ASTN1: variants seen among roughly 807,000 people sequenced by gnomAD.
ASTN1 encodes astrotactin 1.
In ASTN1, 41 loss-of-function variants were observed where a neutral mutation model predicts 140.7. The observed-to-expected ratio is 0.29, with a 90% CI of 0.23 to 0.38. ASTN1 has a LOEUF of 0.38. ASTN1 is among the 10% of genes least tolerant of loss of function. The pLI is 1.00. For missense variants in ASTN1, 1,479 were observed against 1,678.8 expected (o/e 0.88, Z 2.08); for synonymous variants, 640 against 652.2 (o/e 0.98, Z 0.29).
intron 9 of ASTN1, 135 bp downstream of exon 9, chr1:176,965,028 C>T: frequency 1.2e-6 from 1 of 803,968 alleles, no homozygotes. Context: ...GGGGCAAACA[C>T]TTTTGTTAGC....
chr1:177,152,571 A>T (rs1342836213), intron 1 of ASTN1, among the ~76,000 whole-genome samples: 4 of 152,076 alleles, frequency 2.6e-5, no homozygotes, highest in Non-Finnish European at 4.4e-5. Context: ...GGCAGTCAAG[A>T]TTTGAACAAA....
chr1:177,023,067 T>A (rs1675906491), intron 7 of ASTN1, among the ~76,000 whole-genome samples: 1 of 152,236 alleles, frequency 6.6e-6, no homozygotes, highest in Non-Finnish European at 1.5e-5. Flanking sequence ...AAAAGTTTTC[T>A]ACAATAAACA....
chr1:177,022,439 G>A (rs1558037192), intron 7 of ASTN1, among the ~76,000 whole-genome samples: 1 of 152,212 alleles, frequency 6.6e-6, no homozygotes, highest in Non-Finnish European at 1.5e-5. Flanking sequence ...CCATCATAGA[G>A]ACTACTGTAG....
intron 1 of ASTN1, among the ~76,000 whole-genome samples, chr1:177,084,813 T>A (rs940768874): frequency 2.0e-5 from 3 of 151,504 alleles, no homozygotes; most frequent in Non-Finnish European, 4.4e-5. Flanking sequence ...ACTGCCTTCT[T>A]TTTTTTTTCA....
intron 1 of ASTN1, among the ~76,000 whole-genome samples, chr1:177,062,905 T>C (rs1288534898): frequency 6.6e-6 from 1 of 152,160 alleles, no homozygotes; most frequent in African/African-American, 2.4e-5. Context: ...TGAGTGAATG[T>C]GACAAGTGTG....
rs764045289 is a variant in ASTN1, at chr1:176,882,870, G to A, written c.3351C>T (p.Asp1117=). The A allele has an allele frequency of 4.3e-6, 7 of 1,614,180 alleles. No individual in the cohort carries two copies. Among genetic ancestry groups the A allele is most frequent in the Non-Finnish European group, 5.9e-6 (7 of 1,180,040 alleles). ...ISLIIRCLEP[D]TIYMFTLWGV... is the part of the protein sequence containing the mutation. ...TGTGTGTTACTCACATGTAAATGGT[G>A]TCAGGTTCCAGGCATCGTATGATCA... The change falls in exon 20 of 23, where the codon GAC becomes GAT. Residue 1117 remains aspartate (D), a synonymous_variant. Transcript: ENST00000361833.
At chr1:177,098,364 G>A (rs1335066326) in intron 1 of ASTN1, among the ~76,000 whole-genome samples, 2 of 151,988 alleles carry the variant, frequency 1.3e-5, no homozygotes, top group East Asian at 1.9e-4. Context: ...TCATAGCAGC[G>A]GGAGTACCTA....
chr1:177,095,126 G>A (rs551380453), intron 1 of ASTN1, among the ~76,000 whole-genome samples: 4 of 152,276 alleles, frequency 2.6e-5, no homozygotes, highest in African/African-American at 4.8e-5. Flanking sequence ...AAGTATTGAA[G>A]GTGTGGCTTA....
intron 9 of ASTN1, 47 bp downstream of exon 9, chr1:176,965,116 A>G (rs1325669395): frequency 1.9e-6 from 3 of 1,565,764 alleles, no homozygotes; most frequent in Non-Finnish European, 2.6e-6. Flanking sequence ...GAAGCGGAAC[A>G]CAGGGTTTGC....
At chr1:177,129,579 A>C (rs910332429) in intron 1 of ASTN1, among the ~76,000 whole-genome samples, 1 of 152,172 alleles carries the variant, frequency 6.6e-6, no homozygotes, top group Non-Finnish European at 1.5e-5. Context: ...ATAACCACTT[A>C]AAAAAAGAGA....
intron 2 of ASTN1, among the ~76,000 whole-genome samples, chr1:177,058,586 G>GA (rs1304743397): frequency 6.6e-6 from 1 of 151,950 alleles, no homozygotes; most frequent in Non-Finnish European, 1.5e-5. Context: ...GATCTAATTT[G>GA]AAAAAACACT....
chr1:176,946,891 C>T (rs1280061065), intron 12 of ASTN1, among the ~76,000 whole-genome samples: 1 of 152,186 alleles, frequency 6.6e-6, no homozygotes, highest in African/African-American at 2.4e-5. Flanking sequence ...GAAGAATTTA[C>T]ATTTTTTAGC....
In ASTN1 at chr1:176,936,244, G is replaced by A. The variant is rs972433951; in HGVS notation, c.2482+22C>T. The A allele has an allele frequency of 2.5e-6, 4 of 1,600,750 alleles. No individual in the cohort carries two copies. In the African/African-American group the frequency reaches 5.4e-5, roughly 21 times the overall value. ...TCTAAGTTCCAGGGAAGGTGGGCAGGATAGCCTGCAGCAGTGCTCACCCTG... is the reference window on the plus strand; with the variant it reads ...TCTAAGTTCCAGGGAAGGTGGGCAGAATAGCCTGCAGCAGTGCTCACCCTG... On this transcript the variant is annotated intron_variant, in intron 15 of 22. Transcript: ENST00000361833.
chr1:176,876,769 C>T, intron 20 of ASTN1, 132 bp from the exon 21 acceptor site: 1 of 810,232 alleles, frequency 1.2e-6, no homozygotes, highest in Non-Finnish European at 1.9e-6. Flanking sequence ...CATCCTGGGT[C>T]ACGTTTACTG....
At chr1:176,867,651 T>C (rs1328910918) in intron 22 of ASTN1, among the ~76,000 whole-genome samples, 1 of 152,218 alleles carries the variant, frequency 6.6e-6, no homozygotes, top group East Asian at 1.9e-4. Flanking sequence ...TGCCAGATCT[T>C]ACACATAAAA....
intron 8 of ASTN1, among the ~76,000 whole-genome samples, chr1:176,991,950 T>A (rs939504501): frequency 6.6e-6 from 1 of 152,184 alleles, no homozygotes; most frequent in Admixed American, 6.5e-5. Context: ...TAGGCCAAAA[T>A]AAGTATCTAC....
chr1:177,048,234 G>A (rs892061320), intron 2 of ASTN1, among the ~76,000 whole-genome samples: 19 of 152,164 alleles, frequency 1.2e-4, no homozygotes, highest in Non-Finnish European at 1.6e-4. Context: ...TACCTCGGAC[G>A]AGCCTCTCCC....
chr1:176,929,730 C>T (rs892518472), intron 16 of ASTN1, among the ~76,000 whole-genome samples: 6 of 152,136 alleles, frequency 3.9e-5, no homozygotes, highest in African/African-American at 7.2e-5. Flanking sequence ...GATAACAGAC[C>T]GGGCACGGTG....
At chr1:177,087,587 G>C (rs146756796) in intron 1 of ASTN1, among the ~76,000 whole-genome samples, 2 of 152,254 alleles carry the variant, frequency 1.3e-5, no homozygotes, top group East Asian at 3.9e-4. Flanking sequence ...AGGCTGCCTA[G>C]GTTTACAAGA....
Sources: gnomAD v4.1 joint callset for allele counts (sites outside exome capture counted in the v4.1 genomes callset) on GRCh38, gnomAD v4.1.1 for gene constraint, MANE v1.5 for transcripts, NCBI Gene and HGNC (gene_info 2026-07-23, HGNC 2026-07-21) for gene names.